The following PPP6C variants were observed in gnomAD, a reference collection of about 807,000 sequenced individuals.
PPP6C encodes serine/threonine-protein phosphatase 6 catalytic subunit.
A neutral mutation model predicts 39.8 loss-of-function variants in PPP6C; 11 were observed. That is an observed-to-expected ratio of 0.28 (90% CI 0.17 to 0.46). PPP6C has a LOEUF of 0.46. Ranked by LOEUF, PPP6C falls within the 20% of genes least tolerant of loss-of-function variation. PPP6C has a pLI of 1.00. For synonymous variants in PPP6C, 129 were observed against 130.3 expected (o/e 0.99, Z 0.07); for missense variants, 211 against 373.9 (o/e 0.56, Z 3.59).
chr9:125,160,268 T>C (rs1239192019), intron 3 of PPP6C, among the ~76,000 whole-genome samples: 1 of 152,216 alleles, frequency 6.6e-6, no homozygotes, highest in Non-Finnish European at 1.5e-5. Context: ...TTATTTTTTA[T>C]GCCCAACCAT....
chr9:125,159,574 T>A (rs75281090), intron 3 of PPP6C, among the ~76,000 whole-genome samples: 2,364 of 152,192 alleles, frequency 0.016, 25 homozygotes, highest in Middle Eastern at 0.061. Flanking sequence ...AAGAAAAAAA[T>A]TTTTTGTAAA....
chr9:125,188,604 G>A (rs143963073), intron 1 of PPP6C, among the ~76,000 whole-genome samples: 2,282 of 152,016 alleles, frequency 0.015, 105 homozygotes, highest in Admixed American at 0.082. Context: ...TGGCCAACAT[G>A]GCGAAACCCC....
intron 3 of PPP6C, among the ~76,000 whole-genome samples, chr9:125,158,699 T>C (rs1448165172): frequency 2.0e-5 from 3 of 151,966 alleles, no homozygotes; most frequent in African/African-American, 7.3e-5. Context: ...TATCACTCTG[T>C]CACCCAGGCT....
intron 1 of PPP6C, among the ~76,000 whole-genome samples, chr9:125,181,947 A>G: frequency 6.6e-6 from 1 of 152,188 alleles, no homozygotes; most frequent in Non-Finnish European, 1.5e-5. Flanking sequence ...TATTTCTCCA[A>G]ATCGTCTCCA....
chr9:125,163,056 A>G (rs1427257960), intron 2 of PPP6C, among the ~76,000 whole-genome samples: 1 of 151,876 alleles, frequency 6.6e-6, no homozygotes, highest in Non-Finnish European at 1.5e-5. Flanking sequence ...TCCAGCCTGG[A>G]TGACACAGCA....
At chr9:125,155,745 A>T (rs531266564) in intron 4 of PPP6C, among the ~76,000 whole-genome samples, 1 of 152,060 alleles carries the variant, frequency 6.6e-6, no homozygotes, top group Admixed American at 6.6e-5. Context: ...CTACTAAAAA[A>T]TACAAAAAAA....
rs1426662970 is a variant in PPP6C, at chr9:125,147,868, T to C, written c.*1805A>G. The C allele has an allele frequency of 5.4e-6, 1 of 183,854 alleles. No homozygotes were observed. Among genetic ancestry groups the C allele is most frequent in the Admixed American group, 4.4e-5 (1 of 22,678 alleles). 11.4% of individuals were successfully genotyped at this position (183,854 alleles called of 1,614,324 possible). The stretch of plus-strand genomic sequence containing the variant: ...CACACCAAGTTGTCTGCATCATTAA[T>C]TTCCAGTGTTTCACAATTAGTAAAA... On this transcript the variant is annotated 3_prime_UTR_variant, in exon 7 of 7. Coordinates refer to ENST00000373547, the MANE Select transcript of PPP6C (RefSeq NM_002721.5).
intron 6 of PPP6C, chr9:125,151,360 C>A: frequency 1.6e-6 from 2 of 1,214,880 alleles, no homozygotes; most frequent in Non-Finnish European, 2.4e-6. Context: ...CTGGAGTCAC[C>A]AAAGTTTATG....
intron 3 of PPP6C, among the ~76,000 whole-genome samples, chr9:125,160,478 T>C (rs1588278416): frequency 1.3e-5 from 2 of 152,176 alleles, no homozygotes; most frequent in African/African-American, 2.4e-5. Context: ...GTCTTTCCTG[T>C]GCTGTTCTCA....
chr9:125,150,795 G>A (rs1835917706), intron 6 of PPP6C: 1 of 726,538 alleles, frequency 1.4e-6, no homozygotes, highest in African/African-American at 1.7e-5. Flanking sequence ...AAGTGTACGT[G>A]GAAAGGATGT....
intron 6 of PPP6C, chr9:125,151,312 T>C: frequency 6.8e-7 from 1 of 1,468,004 alleles, no homozygotes; most frequent in Non-Finnish European, 9.5e-7. Context: ...TTGACACTTG[T>C]GGCACAATCT....
rs1362385509 is a variant in PPP6C at position 125,148,486 on chromosome 9, G to A, written c.*1187C>T. 1.5e-5 allele frequency: 2 copies of A among 135,826 alleles called. No individual in the cohort carries two copies. Among genetic ancestry groups the A allele is most frequent in the African/African-American group, 5.6e-5 (2 of 35,828 alleles). The allele number at this position is 135,826 out of a possible 1,614,324, so 8.4% of individuals were successfully genotyped here. A position where few individuals can be genotyped will look rare whatever the true frequency, so the allele number is the denominator to read the frequency against. On this transcript the variant is annotated 3_prime_UTR_variant, in exon 7 of 7. Transcript: ENST00000373547. ...CACAAAGCTGAAATATGGTATCACA[G>A]ACCTTTGCAAAAAAGAAGAACTTGT...
At chr9:125,184,454 G>C (rs1478766340) in intron 1 of PPP6C, among the ~76,000 whole-genome samples, 1 of 151,926 alleles carries the variant, frequency 6.6e-6, no homozygotes, top group African/African-American at 2.4e-5. Flanking sequence ...CTACTTTTGA[G>C]GCTGAGGCAG....
chr9:125,159,003 T>C (rs1191710915), intron 3 of PPP6C, among the ~76,000 whole-genome samples: 1 of 151,476 alleles, frequency 6.6e-6, no homozygotes, highest in Admixed American at 6.6e-5. Context: ...CTACATTAGT[T>C]GATTTGGTCA....
chr9:125,165,795 C>CTTTTTG (rs1393012612), intron 2 of PPP6C, among the ~76,000 whole-genome samples: 1 of 113,632 alleles, frequency 8.8e-6, no homozygotes, highest in African/African-American at 3.5e-5. Flanking sequence ...TAATCTTTTG[C>CTTTTTG]TTTTTTTTTT....
intron 1 of PPP6C, among the ~76,000 whole-genome samples, chr9:125,172,688 C>T (rs1829198307): frequency 6.6e-6 from 1 of 150,586 alleles, no homozygotes. Flanking sequence ...GAGCCCTTAC[C>T]CAATAAAACT....
rs1356870852 is a variant in PPP6C, at chr9:125,172,730, CACACACACACACACACACACAA to C, written c.76-1572_76-1551del. The stretch of plus-strand genomic sequence containing the variant: ...AACTGAATACACACAAACACACACA[CACACACACACACACACACACAA>C]ACACACACACACACACACAAACACA... On this transcript the variant is annotated intron_variant, in intron 1 of 6. Transcript: ENST00000373547. Among the ~76,000 whole-genome samples, 404 of 143,914 alleles carry C rather than the reference CACACACACACACACACACACAA, an allele frequency of 2.8e-3. 2 individuals are homozygous for C. The highest frequency in any genetic ancestry group is 0.011 in the African/African-American group (375 of 34,882). 94.4% of individuals were successfully genotyped at this position (143,914 alleles called of 152,430 possible).
intron 6 of PPP6C, chr9:125,151,404 C>A: frequency 1.1e-6 from 1 of 914,882 alleles, no homozygotes; most frequent in Non-Finnish European, 1.8e-6. Context: ...TCTGGTCCAG[C>A]TATTTCTCAC....
chr9:125,186,551 GC>G (rs1430799916), intron 1 of PPP6C, among the ~76,000 whole-genome samples: 1 of 151,730 alleles, frequency 6.6e-6, no homozygotes, highest in Non-Finnish European at 1.5e-5. Context: ...TTCAAGACTG[GC>G]CTGGGTAACA....
Sources: allele counts gnomAD v4.1 joint callset (sites outside exome capture counted in the v4.1 genomes callset), GRCh38; gene constraint gnomAD v4.1.1; transcripts MANE v1.5; gene names NCBI Gene and HGNC (gene_info 2026-07-23, HGNC 2026-07-21).